The following DPP6 variants were observed in gnomAD, a reference collection of about 807,000 sequenced individuals.
The protein encoded by DPP6 is dipeptidyl peptidase like 6.
DPP6 carries 69 observed loss-of-function variants against 122.6 expected under a neutral mutation model. The observed-to-expected ratio is 0.56, with a 90% CI of 0.46 to 0.69. The LOEUF (loss-of-function observed/expected upper bound fraction) is 0.69, where lower values mean the gene tolerates loss of function less well. Among genes scored for constraint, DPP6 ranks in the 30% least tolerant of loss-of-function variants. The pLI, the probability that DPP6 is intolerant of heterozygous loss-of-function variation, is 0.00. For missense variants in DPP6, 928 were observed against 1,116.9 expected, an observed-to-expected ratio of 0.83 and a Z score of 2.41; for synonymous variants, 418 against 433.1, an observed-to-expected ratio of 0.97 and a Z score of 0.43.
the DPP6 span, among the ~76,000 whole-genome samples, chr7:153,809,068 T>A: frequency 6.6e-6 from 1 of 152,002 alleles, no homozygotes; most frequent in Non-Finnish European, 1.5e-5. Flanking sequence ...CATTATATTT[T>A]GATCTTTTAA....
At chr7:153,775,189 G>A in the DPP6 span, among the ~76,000 whole-genome samples, 1 of 144,760 alleles carries the variant, frequency 6.9e-6, no homozygotes, top group Non-Finnish European at 1.5e-5. Flanking sequence ...TATAAAAAGA[G>A]TAACACATCA....
intron 1 of DPP6, among the ~76,000 whole-genome samples, chr7:153,986,560 T>G (rs1368222085): frequency 1.3e-5 from 2 of 152,138 alleles, no homozygotes; most frequent in Non-Finnish European, 2.9e-5. Context: ...TGCATGCAAG[T>G]AGGGACCAGA....
the DPP6 span, among the ~76,000 whole-genome samples, chr7:153,780,987 A>G: frequency 6.6e-6 from 1 of 151,766 alleles, no homozygotes; most frequent in Non-Finnish European, 1.5e-5. Flanking sequence ...AAAAAAATGG[A>G]TGTGTTTGTC....
chr7:154,720,251 GCAGGCAGAGCTTC>G (rs1044248584), intron 7 of DPP6, among the ~76,000 whole-genome samples: 12 of 152,336 alleles, frequency 7.9e-5, no homozygotes, highest in Admixed American at 6.5e-4. Flanking sequence ...GGAGGCACCA[GCAGGCAGAGCTTC>G]CAGGCAGGGC....
At chr7:154,405,155 A>C (rs1029529908) in intron 1 of DPP6, among the ~76,000 whole-genome samples, 1 of 152,172 alleles carries the variant, frequency 6.6e-6, no homozygotes, top group Non-Finnish European at 1.5e-5. Flanking sequence ...TTATTATCCC[A>C]GTTTGTAGAT....
At chr7:154,312,634 C>G (rs540700060) in intron 1 of DPP6, among the ~76,000 whole-genome samples, 33 of 152,118 alleles carry the variant, frequency 2.2e-4, no homozygotes, top group African/African-American at 8.0e-4. Flanking sequence ...GCAGAGGGGG[C>G]GATGGGAGAC....
intron 5 of DPP6, among the ~76,000 whole-genome samples, chr7:154,606,218 A>T (rs1222439943): frequency 8.3e-6 from 1 of 120,312 alleles, no homozygotes; most frequent in African/African-American, 2.6e-5. Flanking sequence ...ATGACCTATC[A>T]GTTTTTGAGA....
chr7:153,814,458 A>G, the DPP6 span, among the ~76,000 whole-genome samples: 1 of 152,192 alleles, frequency 6.6e-6, no homozygotes, highest in African/African-American at 2.4e-5. Context: ...AAATTGTGGC[A>G]ATAATCAATA....
intron 7 of DPP6, among the ~76,000 whole-genome samples, chr7:154,676,029 T>C (rs76858323): frequency 0.12 from 18,479 of 152,240 alleles, 1,211 homozygotes; most frequent in African/African-American, 0.16. Flanking sequence ...AAAACTTCTC[T>C]CCAGGGGCGG....
chr7:154,563,189 T>C (rs1830537191), intron 4 of DPP6, among the ~76,000 whole-genome samples: 1 of 152,200 alleles, frequency 6.6e-6, no homozygotes, highest in Non-Finnish European at 1.5e-5. Context: ...GTTGAGAGCA[T>C]TTCAGGCAGA....
chr7:154,655,699 G>A (rs1372192266), intron 6 of DPP6, among the ~76,000 whole-genome samples: 1 of 152,226 alleles, frequency 6.6e-6, no homozygotes, highest in East Asian at 1.9e-4. Flanking sequence ...TAAGCCAAGT[G>A]TGCTGCCGTG....
chr7:154,557,312 C>T (rs1049980648), intron 4 of DPP6, among the ~76,000 whole-genome samples: 14 of 152,124 alleles, frequency 9.2e-5, no homozygotes, highest in East Asian at 5.8e-4. Flanking sequence ...TCACTGTCTC[C>T]GGCAGCATCG....
intron 5 of DPP6, among the ~76,000 whole-genome samples, chr7:154,610,755 CTGTATT>C (rs1833866074): frequency 1.4e-5 from 2 of 146,378 alleles, no homozygotes; most frequent in African/African-American, 5.1e-5. Context: ...GATTGTGCAC[CTGTATT>C]TGCGTTTCTC....
At chr7:154,249,054 G>C (rs552486095) in intron 1 of DPP6, among the ~76,000 whole-genome samples, 1 of 152,318 alleles carries the variant, frequency 6.6e-6, no homozygotes, top group East Asian at 1.9e-4. Flanking sequence ...GTAGCTGTAA[G>C]AGCCATAGAT....
chr7:154,277,149 A>C (rs1804194686), intron 1 of DPP6, among the ~76,000 whole-genome samples: 1 of 152,234 alleles, frequency 6.6e-6, no homozygotes, highest in Non-Finnish European at 1.5e-5. Context: ...CATGTGTGTC[A>C]GGCAACTCAC....
intron 16 of DPP6, among the ~76,000 whole-genome samples, chr7:154,813,351 G>A (rs1217633330): frequency 6.6e-6 from 1 of 151,980 alleles, no homozygotes; most frequent in Admixed American, 6.6e-5. Flanking sequence ...CCAAAGTGCT[G>A]GGATTACAGG....
chr7:154,086,838 C>T lies in DPP6; in HGVS notation c.243+33775C>T, dbSNP rs574396069. On this transcript the variant is annotated intron_variant, in intron 1 of 25. Coordinates refer to ENST00000377770, the MANE Select transcript of DPP6 (RefSeq NM_130797.4). Reference sequence around the variant, plus strand: ...TTCACCATGTTGGCCAGGATGGTCTCGAACTCCTGACCTCATGATCCACCT... The same window carrying T: ...TTCACCATGTTGGCCAGGATGGTCTTGAACTCCTGACCTCATGATCCACCT... 1.1e-4 allele frequency among the ~76,000 whole-genome samples: 16 copies of T among 152,106 alleles called. No individual in the cohort carries two copies. In the South Asian group the frequency reaches 1.2e-3, roughly 12 times the overall value.
chr7:153,858,879 C>T, the DPP6 span, among the ~76,000 whole-genome samples: 10 of 152,154 alleles, frequency 6.6e-5, no homozygotes, highest in East Asian at 5.8e-4. Context: ...GGCAGCATCA[C>T]GCTGTCTTGT....
At chr7:154,101,718 AG>A (rs1425995527) in intron 1 of DPP6, among the ~76,000 whole-genome samples, 1 of 151,672 alleles carries the variant, frequency 6.6e-6, no homozygotes, top group Non-Finnish European at 1.5e-5. Flanking sequence ...ACCTGAGGTC[AG>A]GAGTTGTAGA....
Sources: allele counts gnomAD v4.1 joint callset (sites outside exome capture counted in the v4.1 genomes callset), GRCh38; gene constraint gnomAD v4.1.1; transcripts MANE v1.5; gene names NCBI Gene and HGNC (gene_info 2026-07-23, HGNC 2026-07-21).